Variants in ANK3 observed in about 807,000 individuals in gnomAD.
ANK3 encodes ankyrin 3.
A neutral mutation model predicts 370.9 loss-of-function variants in ANK3; 57 were observed. The observed-to-expected ratio is 0.15, with a 90% CI of 0.12 to 0.19. The LOEUF (loss-of-function observed/expected upper bound fraction) is 0.19, where lower values mean the gene tolerates loss of function less well. Among genes scored for constraint, ANK3 ranks in the 10% least tolerant of loss-of-function variants. ANK3 has a pLI of 1.00. For missense variants in ANK3, 4,439 were observed against 5,302.1 expected (o/e 0.84, Z 5.06); for synonymous variants, 1,929 against 1,946.3 (o/e 0.99, Z 0.23).
chr10:60,612,459 G>C (rs935034791), intron 2 of ANK3, among the ~76,000 whole-genome samples: 1 of 151,918 alleles, frequency 6.6e-6, no homozygotes, highest in Non-Finnish European at 1.5e-5. Flanking sequence ...TGCCTCACTC[G>C]GTATTTTGTT....
chr10:60,733,293 G>C (rs879340331), exon 1 of ANK3: 35 of 1,237,918 alleles, frequency 2.8e-5, no homozygotes, highest in Non-Finnish European at 3.5e-5. Context: ...CGGTGCCCGC[G>C]GGAGAGGAGG....
At chr10:60,706,085 A>T (rs530007915) in intron 1 of ANK3, among the ~76,000 whole-genome samples, 1 of 152,006 alleles carries the variant, frequency 6.6e-6, no homozygotes, top group Non-Finnish European at 1.5e-5. Context: ...TGGTGTCCCA[A>T]CGTGTTGGCA....
chr10:60,048,346 T>C (rs2077286163), intron 42 of ANK3, among the ~76,000 whole-genome samples: 1 of 152,220 alleles, frequency 6.6e-6, no homozygotes, highest in African/African-American at 2.4e-5. Flanking sequence ...TTCCCAGGAA[T>C]GACAGCCCAA....
intron 28 of ANK3, among the ~76,000 whole-genome samples, chr10:60,095,388 T>G (rs1485895662): frequency 6.6e-6 from 1 of 152,216 alleles, no homozygotes; most frequent in East Asian, 1.9e-4. Flanking sequence ...TTAGATTACT[T>G]TATTTTATTA....
intron 23 of ANK3, among the ~76,000 whole-genome samples, chr10:60,144,514 A>G (rs1323262711): frequency 6.6e-6 from 1 of 152,202 alleles, no homozygotes; most frequent in African/African-American, 2.4e-5. Flanking sequence ...AAAACTCCCC[A>G]AATCTACCTG....
chr10:60,109,874 T>C (rs2092559321), intron 26 of ANK3, among the ~76,000 whole-genome samples: 1 of 152,232 alleles, frequency 6.6e-6, no homozygotes, highest in African/African-American at 2.4e-5. Context: ...CTGTCTTCTA[T>C]CACATATGCA....
chr10:60,445,634 T>C (rs1316287440), intron 2 of ANK3, among the ~76,000 whole-genome samples: 3 of 152,080 alleles, frequency 2.0e-5, no homozygotes, highest in Non-Finnish European at 4.4e-5. Flanking sequence ...GTTTCACACA[T>C]TACCAGCCAA....
chr10:60,201,771 G>T (rs1317456469), intron 12 of ANK3, among the ~76,000 whole-genome samples: 1 of 148,808 alleles, frequency 6.7e-6, no homozygotes, highest in Non-Finnish European at 1.5e-5. Flanking sequence ...GAGTGCAGTG[G>T]CATGATCTTG....
intron 23 of ANK3, among the ~76,000 whole-genome samples, chr10:60,149,171 C>T (rs1239493215): frequency 6.6e-6 from 1 of 152,192 alleles, no homozygotes; most frequent in Non-Finnish European, 1.5e-5. Flanking sequence ...AAGGCAAAGA[C>T]ACATGAGGCC....
intron 2 of ANK3, among the ~76,000 whole-genome samples, chr10:60,406,821 G>C (rs2063465574): frequency 6.6e-6 from 1 of 152,186 alleles, no homozygotes; most frequent in South Asian, 2.1e-4. Flanking sequence ...TTTTATAGCA[G>C]ATAGTTGGTA....
intron 2 of ANK3, among the ~76,000 whole-genome samples, chr10:60,492,865 A>G (rs2075554910): frequency 6.6e-6 from 1 of 151,308 alleles, no homozygotes. Flanking sequence ...TCATGAGGTC[A>G]GGAGATCGAG....
intron 23 of ANK3, among the ~76,000 whole-genome samples, chr10:60,163,992 A>T (rs1360856371): frequency 6.6e-6 from 1 of 152,196 alleles, no homozygotes; most frequent in Non-Finnish European, 1.5e-5. Context: ...ATAGGAGCTT[A>T]CTCAAATGGC....
intron 2 of ANK3, among the ~76,000 whole-genome samples, chr10:60,586,914 A>G (rs899353989): frequency 6.6e-6 from 1 of 152,346 alleles, no homozygotes; most frequent in East Asian, 1.9e-4. Context: ...CTGGGTCTGC[A>G]AATTACTGCA....
chr10:60,570,237 T>C (rs1308166196), intron 2 of ANK3, among the ~76,000 whole-genome samples: 1 of 152,132 alleles, frequency 6.6e-6, no homozygotes, highest in Non-Finnish European at 1.5e-5. Flanking sequence ...CTGAGTGCTT[T>C]TGGAGGAAAA....
At chr10:60,131,171 AAGAAAATGATCAATG>A (rs1264619124) in intron 25 of ANK3, among the ~76,000 whole-genome samples, 13 of 152,346 alleles carry the variant, frequency 8.5e-5, no homozygotes, top group African/African-American at 3.1e-4. Context: ...TATCACTGCT[AAGAAAATGATCAATG>A]ATTTCCTACA....
At chr10:60,530,663 T>C (rs1297578171) in intron 2 of ANK3, among the ~76,000 whole-genome samples, 1 of 152,112 alleles carries the variant, frequency 6.6e-6, no homozygotes, top group Non-Finnish European at 1.5e-5. Flanking sequence ...TGAGCCCCCA[T>C]GGCCTTGGGC....
Position 60,083,416 on chromosome 10 carries a change from T to C in ANK3, c.4200+76A>G, listed in dbSNP as rs139626969. 1,162 of 1,475,382 alleles carry C rather than the reference T, an allele frequency of 7.9e-4. 7 individuals are homozygous for C. The African/African-American group carries it at 0.014, about 18-fold the overall frequency. The allele number at this position is 1,475,382 out of a possible 1,614,324, so 91.4% of individuals were successfully genotyped here. A position where few individuals can be genotyped will look rare whatever the true frequency, so the allele number is the denominator to read the frequency against. On this transcript the variant is annotated intron_variant, in intron 33 of 43. Coordinates refer to ENST00000280772, the MANE Select transcript of ANK3 (RefSeq NM_020987.5). ...GGGGTATTTCAAATTAAATAAATCA[T>C]TAAAACCTTTTATTTTTATTCTCTA...
chr10:60,470,651 T>G (rs1270764643), intron 2 of ANK3, among the ~76,000 whole-genome samples: 1 of 152,026 alleles, frequency 6.6e-6, no homozygotes, highest in Non-Finnish European at 1.5e-5. Flanking sequence ...TGATGTTGAC[T>G]TTGGTAACAA....
At chr10:60,297,400 T>C (rs1016648654) in intron 1 of ANK3, among the ~76,000 whole-genome samples, 35 of 152,172 alleles carry the variant, frequency 2.3e-4, no homozygotes, top group African/African-American at 8.0e-4. Context: ...CAGAGTCTTA[T>C]GCTTAACGAG....
Sources: gnomAD v4.1 joint callset for allele counts (sites outside exome capture counted in the v4.1 genomes callset) on GRCh38, gnomAD v4.1.1 for gene constraint, MANE v1.5 for transcripts, NCBI Gene and HGNC (gene_info 2026-07-23, HGNC 2026-07-21) for gene names.